RBM26: variants seen among roughly 807,000 people sequenced by gnomAD.
RBM26 encodes the protein RNA binding motif protein 26, also known as RNA-binding protein 26.
In RBM26, 30 loss-of-function variants were observed where a neutral mutation model predicts 123.6. The observed-to-expected ratio is 0.24, with a 90% CI of 0.18 to 0.33. The LOEUF (loss-of-function observed/expected upper bound fraction) is 0.33. Among genes scored for constraint, RBM26 ranks in the 10% least tolerant of loss-of-function variants. The pLI is 1.00. For missense variants in RBM26, 947 were observed against 1,203.6 expected, an observed-to-expected ratio of 0.79 and a Z score of 3.15; for synonymous variants, 400 against 404.4, an observed-to-expected ratio of 0.99 and a Z score of 0.13.
At chr13:79,342,601 T>C in intron 17 of RBM26, 63 bp downstream of exon 17, 2 of 1,330,358 alleles carry the variant, frequency 1.5e-6, no homozygotes, top group Non-Finnish European at 2.1e-6. Flanking sequence ...AACTGAATCT[T>C]AAAAATGTAG....
chr13:79,333,753 C>T (rs1594028953), intron 20 of RBM26, among the ~76,000 whole-genome samples: 1 of 152,102 alleles, frequency 6.6e-6, no homozygotes, highest in East Asian at 1.9e-4. Context: ...ATATTCCGGT[C>T]AGTCCTTGGA....
chr13:79,374,587 C>T (rs2076477232), intron 3 of RBM26, among the ~76,000 whole-genome samples: 1 of 152,138 alleles, frequency 6.6e-6, no homozygotes, highest in Admixed American at 6.6e-5. Context: ...AGCATTCTTT[C>T]AACAGTTTGC....
intron 7 of RBM26, 37 bp from the exon 8 acceptor site, chr13:79,366,232 GCAAA>G (rs756320262): frequency 6.3e-7 from 1 of 1,595,124 alleles, no homozygotes; most frequent in South Asian, 1.1e-5. Context: ...TCATCTGAAA[GCAAA>G]CAAATAAAAC....
chr13:79,360,167 TCTTA>T (rs1296169444), intron 9 of RBM26, among the ~76,000 whole-genome samples: 3 of 152,254 alleles, frequency 2.0e-5, no homozygotes, highest in Non-Finnish European at 2.9e-5. Context: ...GTTGTTTAGC[TCTTA>T]CTGTGTCTAA....
rs746380691 is a variant in RBM26, at chr13:79,354,551, T to G, written c.1874A>C (p.Gln625Pro). The change falls in exon 13 of 22, where the codon CAG (glutamine) becomes CCG (proline). Residue 625 changes from glutamine (Q) to proline (P), a missense_variant. This residue lies in a region of RBM26 where 493 missense variants were observed against 563.1 expected (regional missense o/e 0.88). Transcript: ENST00000438737. ...TSPKVMQPLV[Q>P]QPILPVVKQS... The stretch of plus-strand genomic sequence containing the variant: ...CTTCACAACAGGCAAAATGGGCTGC[T>G]GGACTAAAGGCTGCATTACCTCAGA... 95 of 1,602,380 alleles carry G rather than the reference T, an allele frequency of 5.9e-5. No individual in the cohort carries two copies. The highest frequency in any genetic ancestry group is 7.9e-5 in the Non-Finnish European group (93 of 1,172,364).
chr13:79,342,798 T>C lies in RBM26; in HGVS notation c.2293A>G (p.Met765Val), dbSNP rs774333738. The C allele has an allele frequency of 1.3e-6, 2 of 1,598,610 alleles. No homozygotes were observed. The highest frequency in any genetic ancestry group is 8.5e-7 in the Non-Finnish European group (1 of 1,174,036). Residue 765 changes from methionine (M) to valine (V), a missense_variant, in exon 17 of 22, where the codon ATG (methionine) becomes GTG (valine). Met to Val is a conservative substitution (Grantham distance 21). Transcript: ENST00000438737. ...ATTTCTGCTTTATCTTCAGACTTCA[T>C]TGTTTTGTTTTTCTCCAGTTTTGAA... ...LISKLEKNKT[M>V]KSEDKAEIMK...
chr13:79,367,391 G>C (rs1275082557), intron 6 of RBM26, among the ~76,000 whole-genome samples: 1 of 96,194 alleles, frequency 1.0e-5, no homozygotes, highest in Non-Finnish European at 2.8e-5. Context: ...TGGGGTATAG[G>C]GGGAGACTCC....
chr13:79,329,201 T>C (rs1480929837), intron 20 of RBM26, among the ~76,000 whole-genome samples: 1 of 152,144 alleles, frequency 6.6e-6, no homozygotes, highest in East Asian at 1.9e-4. Context: ...GAGTGAATTC[T>C]GAATTTATCT....
chr13:79,395,419 G>A (rs6563107), intron 1 of RBM26, among the ~76,000 whole-genome samples: 9,101 of 152,082 alleles, frequency 0.06, 535 homozygotes, highest in African/African-American at 0.15. Context: ...ACTCTCCTTC[G>A]CAGTCTGGAA....
Position 79,365,669 on chromosome 13 carries a change from G to A in RBM26, c.1326C>T (p.Asn442=). The A allele has an allele frequency of 6.2e-7, 1 of 1,613,816 alleles. No individual in the cohort carries two copies. The highest frequency in any genetic ancestry group is 1.1e-5 in the South Asian group (1 of 91,074). Residue 442 remains asparagine, a synonymous_variant, in exon 9 of 22, where the codon AAC becomes AAT. Coordinates refer to ENST00000438737, the MANE Select transcript of RBM26 (RefSeq NM_001366735.2). ...TGTGTCTATACATAGGTCTGGAAGT[G>A]TTTGTTATGCTTGGGGCTTCAGGAT... ...GYNPEAPSIT[N]TSRPMYRHRV... is the part of the protein sequence containing the mutation.
At chr13:79,389,293 A>T (rs1308121795) in intron 1 of RBM26, among the ~76,000 whole-genome samples, 3 of 152,230 alleles carry the variant, frequency 2.0e-5, no homozygotes, top group African/African-American at 7.2e-5. Flanking sequence ...AGTATACTTA[A>T]TACTAAGAAA....
chr13:79,344,554 G>A, intron 15 of RBM26, 115 bp downstream of exon 15: 1 of 974,480 alleles, frequency 1.0e-6, no homozygotes, highest in Non-Finnish European at 1.5e-6. Flanking sequence ...AACGTTCAGT[G>A]GCAGCCAACA....
chr13:79,319,949 CTTTTT>C lies in RBM26; in HGVS notation c.*667_*671del, dbSNP rs56071300. On this transcript the variant is annotated 3_prime_UTR_variant, in exon 22 of 22. Coordinates refer to ENST00000438737, the MANE Select transcript of RBM26 (RefSeq NM_001366735.2). Reference sequence around the variant, plus strand: ...TTTAAATCAAGGAACATTGTCTTGGCTTTTTTTTTTTTTTTTTTTTTGTCATTGCT... The same window carrying C: ...TTTAAATCAAGGAACATTGTCTTGGCTTTTTTTTTTTTTTTTGTCATTGCT... 693 of 115,846 alleles carry C rather than the reference CTTTTT, an allele frequency of 6.0e-3. 1 individual carries two copies. Among genetic ancestry groups the C allele is most frequent in the East Asian group, 6.2e-3 (3 of 484 alleles). The allele number at this position is 115,846 out of a possible 1,614,324, so 7.2% of individuals were successfully genotyped here. A position where few individuals can be genotyped will look rare whatever the true frequency, so the allele number is the denominator to read the frequency against.
chr13:79,373,761 AAAC>A (rs1366906740), intron 3 of RBM26, among the ~76,000 whole-genome samples: 2 of 134,848 alleles, frequency 1.5e-5, no homozygotes, highest in African/African-American at 5.5e-5. Context: ...ATATCTGGGA[AAAC>A]AATATATAAG....
At chr13:79,390,189 AAT>A (rs1399559802) in intron 1 of RBM26, among the ~76,000 whole-genome samples, 1 of 152,176 alleles carries the variant, frequency 6.6e-6, no homozygotes, top group Non-Finnish European at 1.5e-5. Flanking sequence ...AGACTTAAGA[AAT>A]TGTGTCAAAT....
chr13:79,396,820 A>G (rs1346812618), intron 1 of RBM26, among the ~76,000 whole-genome samples: 1 of 152,244 alleles, frequency 6.6e-6, no homozygotes, highest in Non-Finnish European at 1.5e-5. Context: ...ATATTTGAAA[A>G]GCAATCCATG....
chr13:79,367,920 C>T (rs1324241636), intron 6 of RBM26, among the ~76,000 whole-genome samples: 1 of 151,982 alleles, frequency 6.6e-6, no homozygotes, highest in East Asian at 1.9e-4. Flanking sequence ...TAGAAATGTC[C>T]TTCATTTAAA....
chr13:79,322,010 T>C (rs550237139), intron 21 of RBM26, among the ~76,000 whole-genome samples: 2 of 151,604 alleles, frequency 1.3e-5, no homozygotes, highest in Non-Finnish European at 1.5e-5. Context: ...AAAGGAAAGC[T>C]GAAATGTTAA....
At chr13:79,402,715 C>T (rs948737583) in intron 1 of RBM26, among the ~76,000 whole-genome samples, 2 of 152,154 alleles carry the variant, frequency 1.3e-5, no homozygotes, top group Admixed American at 6.5e-5. Flanking sequence ...CCAATCCCAT[C>T]CTTTTGCCCC....
Sources: gnomAD v4.1 joint callset for allele counts (sites outside exome capture counted in the v4.1 genomes callset) on GRCh38, gnomAD v4.1.1 for gene constraint, gnomAD v4.1.1 regional missense constraint, MANE v1.5 for transcripts, NCBI Gene and HGNC (gene_info 2026-07-23, HGNC 2026-07-21) for gene names.